Variants in MYO3A observed in about 807,000 individuals in gnomAD.
The protein encoded by MYO3A is myosin-IIIa.
In MYO3A, 180 loss-of-function variants were observed where a neutral mutation model predicts 192.7. The ratio of observed to expected loss-of-function variants is 0.93; its 90% CI spans 0.83 to 1.06. The LOEUF is 1.06. Among genes scored for constraint, MYO3A ranks in the 50% least tolerant of loss-of-function variants. The probability of loss-of-function intolerance (pLI) is 0.00; values close to 1 mark genes in which losing one functional copy is unlikely to be tolerated. For missense variants in MYO3A, 1,896 were observed against 1,905.0 expected, an observed-to-expected ratio of 1.00 and a Z score of 0.09; for synonymous variants, 628 against 645.3, an observed-to-expected ratio of 0.97 and a Z score of 0.41.
intron 31 of MYO3A, 150 bp downstream of exon 31, chr10:26,176,995 A>G: frequency 1.1e-6 from 1 of 892,598 alleles, no homozygotes; most frequent in Non-Finnish European, 1.7e-6. Flanking sequence ...ATGGAGATAC[A>G]GTTTTTTTAG....
chr10:26,036,007 C>T (rs933346009), intron 10 of MYO3A, among the ~76,000 whole-genome samples: 1 of 151,976 alleles, frequency 6.6e-6, no homozygotes, highest in Non-Finnish European at 1.5e-5. Flanking sequence ...CATCTTGGCT[C>T]ACTGCAAGTT....
intron 15 of MYO3A, among the ~76,000 whole-genome samples, chr10:26,093,830 C>G (rs1311748214): frequency 6.6e-6 from 1 of 152,162 alleles, no homozygotes; most frequent in African/African-American, 2.4e-5. Context: ...ACATATCCTG[C>G]TACCATCTCA....
chr10:26,166,456 G>A (rs1164477879), intron 27 of MYO3A, among the ~76,000 whole-genome samples: 14 of 152,092 alleles, frequency 9.2e-5, no homozygotes, highest in Non-Finnish European at 7.4e-5. Flanking sequence ...GTGGGAGAAT[G>A]GCTTGAGCCC....
intron 4 of MYO3A, among the ~76,000 whole-genome samples, chr10:25,966,108 G>T (rs1838250139): frequency 6.6e-6 from 1 of 151,976 alleles, no homozygotes; most frequent in Non-Finnish European, 1.5e-5. Context: ...CGAGGGGGTG[G>T]GACTGGGATA....
At chr10:26,198,835 T>C (rs1254408897) in intron 32 of MYO3A, among the ~76,000 whole-genome samples, 1 of 152,236 alleles carries the variant, frequency 6.6e-6, no homozygotes. Context: ...TTCTTTTCTC[T>C]ACTCTGGTTC....
At chr10:26,005,422 A>G (rs1470588056) in intron 6 of MYO3A, among the ~76,000 whole-genome samples, 1 of 151,920 alleles carries the variant, frequency 6.6e-6, no homozygotes, top group African/African-American at 2.4e-5. Flanking sequence ...CCCGGATTAG[A>G]TCATTTTGTT....
chr10:26,204,831 T>C (rs892171750), intron 34 of MYO3A, among the ~76,000 whole-genome samples: 1 of 152,206 alleles, frequency 6.6e-6, no homozygotes, highest in Non-Finnish European at 1.5e-5. Context: ...TATACCCATA[T>C]AACAAAGCTG....
At chr10:26,124,210 A>AC (rs1588997393) in intron 18 of MYO3A, among the ~76,000 whole-genome samples, 1 of 148,532 alleles carries the variant, frequency 6.7e-6, no homozygotes, top group East Asian at 2.0e-4. Context: ...AAAAAAAAAA[A>AC]CTTTTACATA....
intron 11 of MYO3A, among the ~76,000 whole-genome samples, chr10:26,067,515 G>A (rs1447112195): frequency 1.3e-5 from 2 of 152,170 alleles, no homozygotes; most frequent in African/African-American, 4.8e-5. Context: ...TCAGCTCTTA[G>A]TGGCTGTACC....
chr10:26,201,875 A>G (rs1225194236), intron 33 of MYO3A, among the ~76,000 whole-genome samples: 1 of 152,194 alleles, frequency 6.6e-6, no homozygotes, highest in East Asian at 1.9e-4. Context: ...CCCTCCCAGT[A>G]GGTAATTTGC....
intron 2 of MYO3A, among the ~76,000 whole-genome samples, chr10:25,949,833 A>T (rs1480906835): frequency 6.6e-6 from 1 of 152,162 alleles, no homozygotes; most frequent in Admixed American, 6.6e-5. Flanking sequence ...CAACAGCTAT[A>T]TATTTAACAT....
At chr10:26,094,420 C>CTTTTTTTTTTTTTTTTTTTTTTTTTTT (rs965507109) in intron 15 of MYO3A, among the ~76,000 whole-genome samples, 2 of 101,322 alleles carry the variant, frequency 2.0e-5, no homozygotes, top group Non-Finnish European at 3.8e-5. Context: ...TGAATAATTT[C>CTTTTTTTTTTTTTTTTTTTTTTTTTTT]TTTTTTTTTT....
chr10:25,943,438 A>G (rs1165762586), intron 2 of MYO3A, among the ~76,000 whole-genome samples: 1 of 152,074 alleles, frequency 6.6e-6, no homozygotes, highest in Non-Finnish European at 1.5e-5. Flanking sequence ...TTTGCTAACA[A>G]TTGCATTGAA....
rs1564544369 is a variant in MYO3A, at chr10:26,096,642, T to G, written c.1736T>G (p.Leu579Ter). Residue 579 changes from leucine to a stop codon, truncating the protein, a stop_gained, in exon 17 of 35, where the codon TTA becomes TGA. Transcript: ENST00000642920. LOFTEE classifies it high-confidence loss of function. ...AGTTTCTATAAATCCCAGTATGAAT[T>G]AATTGAGCAATGTTTCAAAGTCATA... ...NNSFYKSQYE[L>*]IEQCFKVIGF... The G allele has an allele frequency of 6.2e-7, 1 of 1,602,826 alleles. No homozygotes were observed. The highest frequency in any genetic ancestry group is 8.5e-7 in the Non-Finnish European group (1 of 1,169,732).
At chr10:25,974,773 T>C (rs767783408) in intron 4 of MYO3A, among the ~76,000 whole-genome samples, 33 of 152,190 alleles carry the variant, frequency 2.2e-4, no homozygotes, top group Non-Finnish European at 3.1e-4. Flanking sequence ...TTAGTAGTTA[T>C]GGTTGCTTCA....
intron 4 of MYO3A, among the ~76,000 whole-genome samples, chr10:25,983,590 C>T (rs190357979): frequency 8.5e-5 from 13 of 152,194 alleles, no homozygotes; most frequent in Middle Eastern, 3.4e-3. Context: ...AATAAAGCCT[C>T]CAAGAAATTT....
chr10:26,143,624 C>T (rs527735626), intron 21 of MYO3A, 23 bp downstream of exon 21: 9 of 1,612,812 alleles, frequency 5.6e-6, no homozygotes, highest in Non-Finnish European at 7.6e-6. Context: ...TCCAGTGTGT[C>T]TGCATGGTTT....
rs369739439 is a variant in MYO3A at position 26,036,602 on chromosome 10, A to G, written c.953+10070A>G. Among the ~76,000 whole-genome samples, 10 of 152,300 alleles carry G rather than the reference A, an allele frequency of 6.6e-5. No individual in the cohort carries two copies. The South Asian group carries it at 1.2e-3, about 19-fold the overall frequency. On this transcript the variant is annotated intron_variant, in intron 10 of 34. Coordinates refer to ENST00000642920, the MANE Select transcript of MYO3A (RefSeq NM_017433.5). ...TTTAGCCTGTTATTTTGTGTGCTCTATGTGATCTACTTTTCAGTCTTTAGT... is the reference window on the plus strand; with the variant it reads ...TTTAGCCTGTTATTTTGTGTGCTCTGTGTGATCTACTTTTCAGTCTTTAGT...
In MYO3A at chr10:26,211,908, T is replaced by G. The variant is rs1327569737; in HGVS notation, c.4796T>G (p.Phe1599Cys). ...EREPAANPYD[F>C]RRLLRKTSQR... ...GAGCCAGCAGCCAACCCCTACGACT[T>G]CAGGAGGCTCCTGCGCAAAACCTCC... is the stretch of plus-strand genomic sequence containing the variant. Residue 1599 changes from phenylalanine to cysteine, a missense_variant, in exon 35 of 35, where the codon TTC becomes TGC. Coordinates refer to ENST00000642920, the MANE Select transcript of MYO3A (RefSeq NM_017433.5). The G allele has an allele frequency of 6.8e-6, 11 of 1,613,736 alleles. No homozygotes were observed. Among genetic ancestry groups the G allele is most frequent in the Non-Finnish European group, 7.6e-6 (9 of 1,179,914 alleles).
Sources: gnomAD v4.1 joint callset for allele counts (sites outside exome capture counted in the v4.1 genomes callset) on GRCh38, gnomAD v4.1.1 for gene constraint, MANE v1.5 for transcripts, NCBI Gene and HGNC (gene_info 2026-07-23, HGNC 2026-07-21) for gene names.